VPS13C: variants seen among roughly 807,000 people sequenced by gnomAD.
The protein encoded by VPS13C is vacuolar protein sorting 13 homolog C.
In VPS13C, 358 loss-of-function variants were observed where a neutral mutation model predicts 456.8. The ratio of observed to expected loss-of-function variants is 0.78; its 90% CI spans 0.72 to 0.86. VPS13C has a LOEUF of 0.86. VPS13C is among the 40% of genes least tolerant of loss of function. The pLI is 0.00. For synonymous variants in VPS13C, 1,578 were observed against 1,486.7 expected (o/e 1.06, Z -1.41); for missense variants, 4,818 against 4,385.4 (o/e 1.10, Z -2.79).
chr15:61,921,966 T>C lies in VPS13C; in HGVS notation c.7043A>G (p.Gln2348Arg). ...CCTTACATCAAGCCTTAAATTCCAT[T>C]GTCTCTTCCCCTCCACTCTCTCAAT... Reference protein sequence around the residue: ...PLIERVEGKRQWNLRLDVKKN... With the variant: ...PLIERVEGKRRWNLRLDVKKN... Residue 2348 changes from glutamine to arginine, a missense_variant, in exon 55 of 85, where the codon CAA becomes CGA. Gln to Arg is a conservative substitution (Grantham distance 43). This residue lies in a region of VPS13C where 4,552 missense variants were observed against 4,130.6 expected (regional missense o/e 1.10). Coordinates refer to ENST00000644861, the MANE Select transcript of VPS13C (RefSeq NM_020821.3). 6.2e-7 allele frequency: 1 copy of C among 1,613,548 alleles called. No homozygotes were observed. The highest frequency in any genetic ancestry group is 8.5e-7 in the Non-Finnish European group (1 of 1,179,598).
chr15:62,018,250 C>T (rs1404725863), intron 9 of VPS13C, among the ~76,000 whole-genome samples: 1 of 152,080 alleles, frequency 6.6e-6, no homozygotes, highest in East Asian at 1.9e-4. Flanking sequence ...AATTTGACTT[C>T]CTCTTTTCCT....
At chr15:62,058,211 C>T (rs1038847736) in intron 1 of VPS13C, among the ~76,000 whole-genome samples, 1 of 152,146 alleles carries the variant, frequency 6.6e-6, no homozygotes, top group Non-Finnish European at 1.5e-5. Context: ...TTTGCTACTC[C>T]GGTGCGTTTT....
In VPS13C at chr15:61,922,637, A is replaced by C; in HGVS notation, c.6735T>G (p.Asn2245Lys). The C allele has an allele frequency of 6.2e-7, 1 of 1,614,062 alleles. No homozygotes were observed. The highest frequency in any genetic ancestry group is 1.3e-5 in the African/African-American group (1 of 75,036). The part of the protein sequence containing the change: ...MENLWGIKSI[N>K]DYNTWFLGVD... ...CACCAAGAAACCAAGTGTTATAATC[A>C]TTAATCGATTTGATACCCCAAAGAT... The change falls in exon 54 of 85, where the codon AAT becomes AAG. Residue 2245 changes from asparagine (N) to lysine (K), a missense_variant. By Grantham distance (94) the Asn-to-Lys change is moderately conservative. Coordinates refer to ENST00000644861, the MANE Select transcript of VPS13C (RefSeq NM_020821.3).
chr15:61,922,381 A>C lies in VPS13C; in HGVS notation c.6975+16T>G. The C allele has an allele frequency of 6.3e-7, 1 of 1,597,186 alleles. No homozygotes were observed. Among genetic ancestry groups the C allele is most frequent in the Non-Finnish European group, 8.5e-7 (1 of 1,173,386 alleles). ...TTTCAAGAAGTCTCTGAAGGTATTAAGTGATGTGGCCATACCTGTAGTGTC... is the reference window on the plus strand; with the variant it reads ...TTTCAAGAAGTCTCTGAAGGTATTACGTGATGTGGCCATACCTGTAGTGTC... On this transcript the variant is annotated intron_variant, in intron 54 of 84. Transcript: ENST00000644861.
chr15:61,913,919 G>A (rs905897794), intron 61 of VPS13C, among the ~76,000 whole-genome samples: 4 of 152,048 alleles, frequency 2.6e-5, no homozygotes, highest in African/African-American at 7.2e-5. Flanking sequence ...AAATACATAC[G>A]AAAAATTATG....
rs1481447788 is a variant in VPS13C at position 61,936,597 on chromosome 15, C to T, written c.5755G>A (p.Glu1919Lys). 1.3e-6 allele frequency: 2 copies of T among 1,550,964 alleles called. No homozygotes were observed. The highest frequency in any genetic ancestry group is 1.7e-6 in the Non-Finnish European group (2 of 1,152,860). ...TAAAGTAAATATCATCAATTTATAC[C>T]TTTGAGATGGTCAGGTACACTTGAA... Reference protein sequence around the residue: ...DVSSVPDHLKEQEDWTDSKLS... With the variant: ...DVSSVPDHLKKQEDWTDSKLS... Residue 1919 changes from glutamate to lysine, a missense_variant and splice_region_variant, in exon 48 of 85, where the codon GAA becomes AAA. Glu to Lys is a moderately conservative substitution (Grantham distance 56, BLOSUM62 1). This residue lies in a region of VPS13C where 4,552 missense variants were observed against 4,130.6 expected (regional missense o/e 1.10). Transcript: ENST00000644861.
At chr15:61,959,745 A>T in intron 35 of VPS13C, 150 bp from the exon 36 acceptor site, 1 of 724,562 alleles carries the variant, frequency 1.4e-6, no homozygotes, top group Non-Finnish European at 2.1e-6. Flanking sequence ...ACCTATAATT[A>T]ATCTATAATC....
chr15:61,908,668 A>G (rs1296709851), intron 65 of VPS13C, among the ~76,000 whole-genome samples: 1 of 152,198 alleles, frequency 6.6e-6, no homozygotes, highest in Admixed American at 6.5e-5. Context: ...TTTGAAATTT[A>G]AAAAGCTCTA....
chr15:61,854,379 A>G lies in VPS13C; in HGVS notation c.*78T>C. The G allele has an allele frequency of 7.7e-7, 1 of 1,306,814 alleles. No homozygotes were observed. Among genetic ancestry groups the G allele is most frequent in the Non-Finnish European group, 1.1e-6 (1 of 900,754 alleles). The allele number at this position is 1,306,814 out of a possible 1,614,324, so 81.0% of individuals were successfully genotyped here. ...AAGGATTGCTTGAAAAATTGTCTTT[A>G]GCAAGATAAAGCAGAGTGACTTATA... On this transcript the variant is annotated 3_prime_UTR_variant, in exon 85 of 85. Coordinates refer to ENST00000644861, the MANE Select transcript of VPS13C (RefSeq NM_020821.3).
Position 61,911,619 on chromosome 15 carries a change from A to G in VPS13C, c.8715+221T>C, listed in dbSNP as rs1319792826. Among the ~76,000 whole-genome samples the G allele has an allele frequency of 3.3e-5, 5 of 152,328 alleles. No individual in the cohort carries two copies. In the East Asian group the frequency reaches 7.7e-4, roughly 24 times the overall value. On this transcript the variant is annotated intron_variant, in intron 63 of 84. Coordinates refer to ENST00000644861, the MANE Select transcript of VPS13C (RefSeq NM_020821.3). ...GCTACGTTCTACACATATAGGAAGA[A>G]TTAGAAAAAAGACTATTAATGATCT...
At chr15:61,890,993 G>A (rs904644523) in intron 66 of VPS13C, among the ~76,000 whole-genome samples, 1 of 152,192 alleles carries the variant, frequency 6.6e-6, no homozygotes, top group Non-Finnish European at 1.5e-5. Flanking sequence ...GTTACAGTGA[G>A]CTGAGATAGC....
At chr15:61,983,118 C>T (rs367870875) in intron 20 of VPS13C, among the ~76,000 whole-genome samples, 32 of 152,190 alleles carry the variant, frequency 2.1e-4, no homozygotes, top group South Asian at 1.5e-3. Context: ...GTGTATTTTA[C>T]CACAATTAAA....
chr15:62,027,107 C>T (rs1289062732), intron 6 of VPS13C, among the ~76,000 whole-genome samples: 2 of 152,038 alleles, frequency 1.3e-5, no homozygotes, highest in South Asian at 2.1e-4. Flanking sequence ...CACTCAGAAA[C>T]TGAAAAGAGG....
intron 61 of VPS13C, 35 bp from the exon 62 acceptor site, chr15:61,913,450 T>C: frequency 6.5e-7 from 1 of 1,536,574 alleles, no homozygotes; most frequent in Non-Finnish European, 9.0e-7. Context: ...ATATAAGAAA[T>C]CTAAAACACT....
chr15:61,998,601 G>T (rs1229658003), intron 16 of VPS13C, among the ~76,000 whole-genome samples: 1 of 152,048 alleles, frequency 6.6e-6, no homozygotes, highest in Non-Finnish European at 1.5e-5. Context: ...GGGTCAAACG[G>T]CCCAAAATCA....
At chr15:62,053,310 A>T (rs1273129784) in intron 1 of VPS13C, among the ~76,000 whole-genome samples, 2 of 152,126 alleles carry the variant, frequency 1.3e-5, no homozygotes, top group Admixed American at 6.6e-5. Context: ...AAAAAAGCAA[A>T]AAGAGCTGCT....
In VPS13C at chr15:61,921,948, T is replaced by C; in HGVS notation, c.7061A>G (p.Asp2354Gly). 6.2e-7 allele frequency: 1 copy of C among 1,612,694 alleles called. No homozygotes were observed. Among genetic ancestry groups the C allele is most frequent in the South Asian group, 1.1e-5 (1 of 91,046 alleles). The change falls in exon 55 of 85, where the codon GAT becomes GGT. Residue 2354 changes from aspartate to glycine, a missense_variant and splice_region_variant. By Grantham distance (94) the Asp-to-Gly change is moderately conservative. Around this residue, in one of 3 missense-constraint regions of VPS13C, gnomAD observed 4,552 missense variants for 4,130.6 expected, o/e 1.10. Coordinates refer to ENST00000644861, the MANE Select transcript of VPS13C (RefSeq NM_020821.3). ...EGKRQWNLRL[D>G]VKKNPVQDKS... ...AAAGATATTTTAAGATTTCCTTACA[T>C]CAAGCCTTAAATTCCATTGTCTCTT...
At chr15:61,866,324 T>C (rs1392726569) in intron 81 of VPS13C, 4 of 983,664 alleles carry the variant, frequency 4.1e-6, no homozygotes, top group Non-Finnish European at 4.8e-6. Context: ...GACAAGATTA[T>C]ATGTTCAGAC....
chr15:62,023,712 A>G lies in VPS13C; in HGVS notation c.514+68T>C, dbSNP rs2047539635. ...TACTGTTATCTGACATTCATTTCAC[A>G]TTCCAAATCAGAAATAAAGTGGCAA... On this transcript the variant is annotated intron_variant, in intron 7 of 84. Transcript: ENST00000644861. 1.4e-5 allele frequency: 20 copies of G among 1,426,540 alleles called. No homozygotes were observed. The East Asian group carries it at 4.6e-4, about 33-fold the overall frequency. 88.4% of individuals were successfully genotyped at this position (1,426,540 alleles called of 1,614,324 possible). A position where few individuals can be genotyped will look rare whatever the true frequency, so the allele number is the denominator to read the frequency against.
Sources: allele counts gnomAD v4.1 joint callset (sites outside exome capture counted in the v4.1 genomes callset), GRCh38; gene constraint gnomAD v4.1.1; regional missense constraint gnomAD v4.1.1; transcripts MANE v1.5; gene names NCBI Gene and HGNC (gene_info 2026-07-23, HGNC 2026-07-21).